LINGO2: variants seen among roughly 807,000 people sequenced by gnomAD.
The protein encoded by LINGO2 is leucine rich repeat and Ig domain containing 2, also known as leucine-rich repeat and immunoglobulin-like domain-containing nogo receptor-interacting protein 2.
Under a neutral mutation model 30.6 loss-of-function variants are expected in LINGO2, and 14 were observed. The ratio of observed to expected loss-of-function variants is 0.46; its 90% CI spans 0.30 to 0.72. The LOEUF (loss-of-function observed/expected upper bound fraction) is 0.72, where lower values mean the gene tolerates loss of function less well. LINGO2 is among the 30% of genes least tolerant of loss of function. The pLI, the probability that LINGO2 is intolerant of heterozygous loss-of-function variation, is 0.07. For synonymous variants in LINGO2, 317 were observed against 288.5 expected, an observed-to-expected ratio of 1.10 and a Z score of -1.00; for missense variants, 729 against 751.7, an observed-to-expected ratio of 0.97 and a Z score of 0.35.
At chr9:28,631,208 G>T (rs923640809) in intron 1 of LINGO2, among the ~76,000 whole-genome samples, 5 of 151,250 alleles carry the variant, frequency 3.3e-5, no homozygotes, top group Admixed American at 1.3e-4. Flanking sequence ...TGTGCACAAG[G>T]TGCAGGTTTG....
chr9:28,768,519 G>T, the LINGO2 span, among the ~76,000 whole-genome samples: 1 of 151,582 alleles, frequency 6.6e-6, no homozygotes, highest in African/African-American at 2.4e-5. Flanking sequence ...TCTTTAAGTG[G>T]GCAATTGGAT....
chr9:28,256,123 T>C (rs548910171), intron 4 of LINGO2, among the ~76,000 whole-genome samples: 18 of 152,060 alleles, frequency 1.2e-4, no homozygotes, highest in Admixed American at 1.0e-3. Flanking sequence ...GGAGACAGAG[T>C]TGTGACCACA....
At chr9:28,251,125 G>C (rs1207725807) in intron 4 of LINGO2, among the ~76,000 whole-genome samples, 1 of 152,100 alleles carries the variant, frequency 6.6e-6, no homozygotes. Flanking sequence ...CCTTTGCTTA[G>C]AACATTTACT....
Position 28,475,445 on chromosome 9 carries a change from T to G in LINGO2, c.-279+495A>C, listed in dbSNP as rs571994729. ...GTCACATCATCTGTTAATAGCAAAC[T>G]TTCTTTATCTATAAAACAAGGGTAA... is the stretch of plus-strand genomic sequence containing the variant. On this transcript the variant is annotated intron_variant, in intron 2 of 5. Coordinates refer to ENST00000379992, the Ensembl canonical transcript of LINGO2. 6.6e-5 allele frequency among the ~76,000 whole-genome samples: 10 copies of G among 152,290 alleles called. No homozygotes were observed. The East Asian group carries it at 1.7e-3, about 26-fold the overall frequency.
intron 3 of LINGO2, among the ~76,000 whole-genome samples, chr9:28,363,228 G>C (rs1368453987): frequency 1.3e-5 from 2 of 152,204 alleles, no homozygotes; most frequent in Non-Finnish European, 2.9e-5. Flanking sequence ...TGTCTCCAGA[G>C]CCTATGCTCT....
intron 4 of LINGO2, among the ~76,000 whole-genome samples, chr9:28,135,000 G>T (rs922017754): frequency 2.6e-5 from 4 of 152,138 alleles, no homozygotes; most frequent in Non-Finnish European, 5.9e-5. Flanking sequence ...GGCTGCATAG[G>T]CCCACACCAG....
the LINGO2 span, among the ~76,000 whole-genome samples, chr9:28,864,301 A>G: frequency 6.6e-6 from 1 of 152,122 alleles, no homozygotes; most frequent in African/African-American, 2.4e-5. Flanking sequence ...TATTTGTCCA[A>G]GTAAGTATTT....
chr9:28,793,030 C>A, the LINGO2 span, among the ~76,000 whole-genome samples: 7 of 152,096 alleles, frequency 4.6e-5, no homozygotes, highest in East Asian at 1.3e-3. Flanking sequence ...ACTAAAGATA[C>A]ACACCCTGCC....
At chr9:28,436,128 AT>A (rs1823911065) in intron 2 of LINGO2, among the ~76,000 whole-genome samples, 2 of 152,146 alleles carry the variant, frequency 1.3e-5, no homozygotes, top group South Asian at 4.1e-4. Context: ...TTTTGACCAA[AT>A]TATCCATAGC....
chr9:28,817,180 G>T, the LINGO2 span, among the ~76,000 whole-genome samples: 1 of 151,948 alleles, frequency 6.6e-6, no homozygotes, highest in Non-Finnish European at 1.5e-5. Context: ...AGAAAAAAGA[G>T]AAAACTTTAA....
chr9:28,570,876 T>C (rs117260742), intron 1 of LINGO2, among the ~76,000 whole-genome samples: 151 of 152,146 alleles, frequency 9.9e-4, no homozygotes, highest in Non-Finnish European at 1.7e-3. Flanking sequence ...ACATGCATTG[T>C]ATTCACTATC....
chr9:28,602,461 T>G (rs572629675), intron 1 of LINGO2, among the ~76,000 whole-genome samples: 1 of 152,270 alleles, frequency 6.6e-6, no homozygotes, highest in South Asian at 2.1e-4. Context: ...CTAAATGATA[T>G]GTTTTACTTA....
At chr9:29,029,384 T>A in the LINGO2 span, among the ~76,000 whole-genome samples, 6 of 152,176 alleles carry the variant, frequency 3.9e-5, no homozygotes, top group African/African-American at 9.6e-5. Flanking sequence ...TGGTGCACAG[T>A]AAGTATAGTT....
intron 4 of LINGO2, among the ~76,000 whole-genome samples, chr9:28,227,941 AT>A (rs1229192230): frequency 1.4e-4 from 21 of 152,216 alleles, no homozygotes; most frequent in African/African-American, 4.6e-4. Flanking sequence ...TACACTATTT[AT>A]TAATTATCCA....
At chr9:28,881,299 T>C in the LINGO2 span, among the ~76,000 whole-genome samples, 1 of 152,044 alleles carries the variant, frequency 6.6e-6, no homozygotes, top group African/African-American at 2.4e-5. Flanking sequence ...AATTTTTGTA[T>C]TTTTAGTAGA....
At chr9:28,623,195 A>G (rs1453699090) in intron 1 of LINGO2, among the ~76,000 whole-genome samples, 1 of 151,804 alleles carries the variant, frequency 6.6e-6, no homozygotes, top group Non-Finnish European at 1.5e-5. Context: ...TTTTAACTTG[A>G]TGTGATCCCA....
At chr9:28,321,002 T>A (rs1825020957) in intron 3 of LINGO2, among the ~76,000 whole-genome samples, 1 of 152,178 alleles carries the variant, frequency 6.6e-6, no homozygotes, top group Non-Finnish European at 1.5e-5. Flanking sequence ...TGGCATAAAA[T>A]GACAGCTCAT....
the LINGO2 span, among the ~76,000 whole-genome samples, chr9:28,841,088 A>C: frequency 2.0e-5 from 3 of 151,848 alleles, no homozygotes; most frequent in African/African-American, 7.3e-5. Flanking sequence ...TGTAACCTCC[A>C]AATGTTTACG....
the LINGO2 span, among the ~76,000 whole-genome samples, chr9:28,791,053 T>A: frequency 6.6e-6 from 1 of 152,150 alleles, no homozygotes; most frequent in Admixed American, 6.5e-5. Context: ...TATGCCAACT[T>A]ATGCACATTT....
Sources: allele counts gnomAD v4.1 joint callset (sites outside exome capture counted in the v4.1 genomes callset), GRCh38; gene constraint gnomAD v4.1.1; transcripts MANE v1.5; gene names NCBI Gene and HGNC (gene_info 2026-07-23, HGNC 2026-07-21).